The following WWOX variants were observed in gnomAD, a reference collection of about 807,000 sequenced individuals.
The protein encoded by WWOX is WW domain-containing oxidoreductase.
Under a neutral mutation model 46.2 loss-of-function variants are expected in WWOX, and 69 were observed. The ratio of observed to expected loss-of-function variants is 1.49; its 90% CI spans 1.23 to 1.82. The LOEUF is 1.82. Among genes scored for constraint, WWOX ranks in the 40% most tolerant of loss-of-function variants. WWOX has a pLI of 0.00. For missense variants in WWOX, 919 were observed against 542.6 expected, an observed-to-expected ratio of 1.69 and a Z score of -6.89; for synonymous variants, 359 against 202.6, an observed-to-expected ratio of 1.77 and a Z score of -6.56.
chr16:78,981,186 C>T (rs1372805034), intron 8 of WWOX, among the ~76,000 whole-genome samples: 1 of 152,136 alleles, frequency 6.6e-6, no homozygotes, highest in Non-Finnish European at 1.5e-5. Flanking sequence ...ATGTGGTCTC[C>T]ATGATGTCCT....
chr16:78,801,815 T>G (rs2142656317), intron 8 of WWOX, among the ~76,000 whole-genome samples: 1 of 152,350 alleles, frequency 6.6e-6, no homozygotes, highest in African/African-American at 2.4e-5. Flanking sequence ...AGATTAAAGC[T>G]GTGTAAGATA....
At chr16:79,165,083 CG>C (rs1188483708) in intron 8 of WWOX, among the ~76,000 whole-genome samples, 1 of 151,196 alleles carries the variant, frequency 6.6e-6, no homozygotes, top group African/African-American at 2.4e-5. Flanking sequence ...ACTTATCCTA[CG>C]TTCCATGTAA....
chr16:78,420,361 A>T (rs1332454406), intron 6 of WWOX, among the ~76,000 whole-genome samples: 1 of 152,208 alleles, frequency 6.6e-6, no homozygotes, highest in Non-Finnish European at 1.5e-5. Flanking sequence ...AAATGGAAAC[A>T]ATCCAAATAT....
intron 8 of WWOX, among the ~76,000 whole-genome samples, chr16:78,460,256 T>A (rs1693575004): frequency 6.6e-6 from 1 of 152,136 alleles, no homozygotes; most frequent in Non-Finnish European, 1.5e-5. Flanking sequence ...GCCTTCCAAG[T>A]AGCTGGTTTT....
At chr16:78,418,661 C>T (rs968209368) in intron 6 of WWOX, among the ~76,000 whole-genome samples, 4 of 152,066 alleles carry the variant, frequency 2.6e-5, no homozygotes, top group Non-Finnish European at 5.9e-5. Flanking sequence ...ATTAAAAAAT[C>T]AGTCAATATA....
At chr16:78,531,995 TG>T (rs1358918579) in intron 8 of WWOX, among the ~76,000 whole-genome samples, 2 of 151,974 alleles carry the variant, frequency 1.3e-5, no homozygotes, top group Non-Finnish European at 2.9e-5. Flanking sequence ...AAATAAGTTT[TG>T]GGTTGGGCGG....
intron 8 of WWOX, among the ~76,000 whole-genome samples, chr16:79,094,395 G>C (rs899147469): frequency 6.6e-6 from 1 of 151,842 alleles, no homozygotes; most frequent in South Asian, 2.1e-4. Context: ...GATTACAGGC[G>C]CCCGCCACCA....
chr16:78,188,265 A>T (rs933939908), intron 5 of WWOX, among the ~76,000 whole-genome samples: 3 of 152,072 alleles, frequency 2.0e-5, no homozygotes, highest in Non-Finnish European at 2.9e-5. Context: ...CGAGGCGGGC[A>T]GATCACGAGG....
intron 8 of WWOX, among the ~76,000 whole-genome samples, chr16:78,620,691 G>C (rs76355469): frequency 0.048 from 5,649 of 117,438 alleles, 143 homozygotes; most frequent in East Asian, 0.13. Context: ...CAGGAAATAT[G>C]GTTTTTTTTT....
intron 8 of WWOX, among the ~76,000 whole-genome samples, chr16:79,138,132 G>A (rs530473444): frequency 4.6e-5 from 7 of 152,230 alleles, no homozygotes; most frequent in African/African-American, 4.8e-5. Flanking sequence ...ATAATTCCCC[G>A]AGAATACTGC....
intron 8 of WWOX, among the ~76,000 whole-genome samples, chr16:78,797,358 T>TAAAAAAAAAAAA (rs57291441): frequency 2.7e-4 from 32 of 116,610 alleles, no homozygotes; most frequent in African/African-American, 1.0e-3. Flanking sequence ...GTCAAAGTGG[T>TAAAAAAAAAAAA]AAAAAAAAAA....
chr16:78,362,986 A>G (rs920965681), intron 5 of WWOX, among the ~76,000 whole-genome samples: 2 of 152,174 alleles, frequency 1.3e-5, no homozygotes, highest in African/African-American at 4.8e-5. Context: ...GCATTAGGCA[A>G]TATTCAAGTC....
In WWOX at chr16:78,548,815, G is replaced by C. The variant is rs549501747; in HGVS notation, c.1056+116063G>C. On this transcript the variant is annotated intron_variant, in intron 8 of 8. Coordinates refer to ENST00000566780, the MANE Select transcript of WWOX (RefSeq NM_016373.4). The stretch of plus-strand genomic sequence containing the variant: ...AATAAACGCCTTCATTTCAATATTT[G>C]CCTTTTGGCTGCAGCCCGTTAACTG... Among the ~76,000 whole-genome samples, 6 of 152,226 alleles carry C rather than the reference G, an allele frequency of 3.9e-5. No individual in the cohort carries two copies. The East Asian group carries it at 9.7e-4, about 25-fold the overall frequency.
At chr16:78,114,112 T>C (rs1293223863) in intron 3 of WWOX, among the ~76,000 whole-genome samples, 1 of 147,540 alleles carries the variant, frequency 6.8e-6, no homozygotes, top group Non-Finnish European at 1.5e-5. Context: ...TTTTTTTTAA[T>C]GGTTACCCAG....
At chr16:78,942,367 C>A (rs2045869114) in intron 8 of WWOX, among the ~76,000 whole-genome samples, 1 of 152,086 alleles carries the variant, frequency 6.6e-6, no homozygotes, top group Non-Finnish European at 1.5e-5. Context: ...CAGCCTACCC[C>A]TTGCATATTT....
At chr16:78,850,477 C>T (rs1005445576) in intron 8 of WWOX, among the ~76,000 whole-genome samples, 1 of 152,186 alleles carries the variant, frequency 6.6e-6, no homozygotes, top group Non-Finnish European at 1.5e-5. Flanking sequence ...ATGAACTCTT[C>T]AATAACTGGG....
chr16:78,676,920 A>G (rs981013135), intron 8 of WWOX, among the ~76,000 whole-genome samples: 2 of 152,224 alleles, frequency 1.3e-5, no homozygotes, highest in Non-Finnish European at 1.5e-5. Flanking sequence ...AGAAGTATCA[A>G]GTGAAAGGGG....
chr16:78,941,528 A>G (rs753285145), intron 8 of WWOX, among the ~76,000 whole-genome samples: 2 of 151,404 alleles, frequency 1.3e-5, no homozygotes, highest in Non-Finnish European at 2.9e-5. Flanking sequence ...GTAGTCCTGT[A>G]TGAAGCTGGG....
chr16:78,835,906 G>T (rs998426957), intron 8 of WWOX, among the ~76,000 whole-genome samples: 1 of 152,174 alleles, frequency 6.6e-6, no homozygotes, highest in African/African-American at 2.4e-5. Flanking sequence ...AGAGCTCTGA[G>T]TTGTATCCTC....
Sources: gnomAD v4.1 joint callset for allele counts (sites outside exome capture counted in the v4.1 genomes callset) on GRCh38, gnomAD v4.1.1 for gene constraint, MANE v1.5 for transcripts, NCBI Gene and HGNC (gene_info 2026-07-23, HGNC 2026-07-21) for gene names.